The following NOP9 variants were observed in gnomAD, a reference collection of about 807,000 sequenced individuals.
NOP9 encodes the protein NOP9 nucleolar protein, also known as nucleolar protein 9.
In NOP9, 50 loss-of-function variants were observed where a neutral mutation model predicts 63.0. The ratio of observed to expected loss-of-function variants is 0.79; its 90% CI spans 0.63 to 1.00. NOP9 has a LOEUF of 1.00. NOP9 is among the 50% of genes least tolerant of loss of function. The pLI is 0.00. For synonymous variants in NOP9, 343 were observed against 332.8 expected, an observed-to-expected ratio of 1.03 and a Z score of -0.33; for missense variants, 758 against 803.0, an observed-to-expected ratio of 0.94 and a Z score of 0.68.
rs2041426882 is a variant in NOP9, at chr14:24,304,022, C to T, written c.1411-19C>T. The T allele has an allele frequency of 6.2e-7, 1 of 1,610,360 alleles. No homozygotes were observed. Among genetic ancestry groups the T allele is most frequent in the Non-Finnish European group, 8.5e-7 (1 of 1,176,740 alleles). ...CTGGCTTGTTGGTGCCTCCTAATTT[C>T]TTATCTCTGCGCTGCCAGGTGGCAA... On this transcript the variant is annotated intron_variant, in intron 7 of 9. Coordinates refer to ENST00000267425, the MANE Select transcript of NOP9 (RefSeq NM_174913.3).
chr14:24,300,643 A>AGGG lies in NOP9; in HGVS notation c.484_485insGGG (p.Ala161_Glu162insGly). The AGGG allele has an allele frequency of 6.3e-7, 1 of 1,577,178 alleles. No homozygotes were observed. The highest frequency in any genetic ancestry group is 8.7e-7 in the Non-Finnish European group (1 of 1,150,988). On this transcript the variant is annotated inframe_insertion, in exon 2 of 10. Transcript: ENST00000267425. The stretch of plus-strand genomic sequence containing the variant: ...TCCCTCGATTGCTGGGGAGTGCTGC[A>AGGG]GAGGAGGAGGAGGAGGAGGAGGAGG...
At chr14:24,301,823 A>G (rs770811483) in intron 3 of NOP9, 101 bp downstream of exon 3, 23 of 1,495,276 alleles carry the variant, frequency 1.5e-5, no homozygotes, top group Non-Finnish European at 2.0e-5. Flanking sequence ...TTCTTTTCAA[A>G]CCTGGTCTGG....
chr14:24,304,638 C>T (rs1354493373), intron 9 of NOP9, 40 bp downstream of exon 9: 8 of 1,427,504 alleles, frequency 5.6e-6, no homozygotes, highest in Non-Finnish European at 6.7e-6. Flanking sequence ...CCAGACTCTC[C>T]CCTCTCTTAC....
chr14:24,292,001 T>C, the NOP9 span: 2 of 768,908 alleles, frequency 2.6e-6, no homozygotes, highest in African/African-American at 1.7e-5. Flanking sequence ...GGTTTCAGTT[T>C]TGCCATCTGT....
chr14:24,280,630 A>G, the NOP9 span, among the ~76,000 whole-genome samples: 1 of 152,250 alleles, frequency 6.6e-6, no homozygotes, highest in African/African-American at 2.4e-5. Flanking sequence ...ACAGCTCAAT[A>G]TACAGTGGTG....
At chr14:24,290,974 A>G in the NOP9 span, 3 of 1,614,132 alleles carry the variant, frequency 1.9e-6, no homozygotes, top group South Asian at 1.1e-5. Flanking sequence ...GCTCAAAGAC[A>G]AATAGTCTTG....
chr14:24,293,649 G>A, the NOP9 span: 1 of 151,998 alleles, frequency 6.6e-6, no homozygotes, highest in Non-Finnish European at 1.5e-5. Flanking sequence ...CTAATGTCTT[G>A]TGGGTGAGGG....
chr14:24,275,572 A>T, the NOP9 span, among the ~76,000 whole-genome samples: 1 of 152,142 alleles, frequency 6.6e-6, no homozygotes, highest in Admixed American at 6.5e-5. Context: ...CATACACAGA[A>T]GCACACACAC....
chr14:24,290,990 G>A, the NOP9 span: 1 of 1,614,118 alleles, frequency 6.2e-7, no homozygotes, highest in African/African-American at 1.3e-5. Context: ...TCTTGGACGG[G>A]GCGGCCTGGG....
Position 24,307,534 on chromosome 14 carries a change from A to C in NOP9, c.*2439A>C. The C allele has an allele frequency of 6.2e-7, 1 of 1,610,820 alleles. No homozygotes were observed. Among genetic ancestry groups the C allele is most frequent in the Non-Finnish European group, 8.5e-7 (1 of 1,177,842 alleles). ...TACTGACCTGGTAGTTGAGAAGAAA[A>C]GTCAAGAAGGGGCGAGGAGGGGCTT... On this transcript the variant is annotated 3_prime_UTR_variant, in exon 10 of 10. Coordinates refer to ENST00000267425, the MANE Select transcript of NOP9 (RefSeq NM_174913.3).
At chr14:24,280,385 C>T in the NOP9 span, among the ~76,000 whole-genome samples, 5 of 152,098 alleles carry the variant, frequency 3.3e-5, no homozygotes, top group Admixed American at 6.6e-5. Context: ...GCTTGGGGCT[C>T]GGTCAAGTGC....
In NOP9 at chr14:24,308,570, C is replaced by T. The variant is rs556933036; in HGVS notation, c.*3475C>T. 6.5e-6 allele frequency: 1 copy of T among 153,568 alleles called. No homozygotes were observed. Among genetic ancestry groups the T allele is most frequent in the Non-Finnish European group, 1.5e-5 (1 of 68,852 alleles). The allele number at this position is 153,568 out of a possible 1,614,324, so 9.5% of individuals were successfully genotyped here. A position where few individuals can be genotyped will look rare whatever the true frequency, so the allele number is the denominator to read the frequency against. ...CTGCCTGCTGCAGTCACACTTAGGTCATCTTCTCTCACTTTTCTCCTTTTG... is the reference window on the plus strand; with the variant it reads ...CTGCCTGCTGCAGTCACACTTAGGTTATCTTCTCTCACTTTTCTCCTTTTG... On this transcript the variant is annotated 3_prime_UTR_variant, in exon 10 of 10. Coordinates refer to ENST00000267425, the MANE Select transcript of NOP9 (RefSeq NM_174913.3).
the NOP9 span, chr14:24,291,662 C>A: frequency 5.7e-6 from 9 of 1,590,678 alleles, no homozygotes; most frequent in Non-Finnish European, 7.8e-6. Context: ...GGGTTAATTT[C>A]CAAGAGCACT....
At chr14:24,296,441 G>GGA, upstream of NOP9, 3 of 1,491,484 alleles carry the variant, frequency 2.0e-6, no homozygotes, top group South Asian at 3.4e-5. Flanking sequence ...GGGCATGTAA[G>GGA]GAAAGGCCTG....
the NOP9 span, among the ~76,000 whole-genome samples, chr14:24,283,986 G>C: frequency 6.6e-6 from 1 of 152,226 alleles, no homozygotes; most frequent in Non-Finnish European, 1.5e-5. Flanking sequence ...AGGACCCCTA[G>C]GCCAGGGCAC....
At chr14:24,303,469 C>T (rs1201324818) in intron 6 of NOP9, among the ~76,000 whole-genome samples, 7 of 151,854 alleles carry the variant, frequency 4.6e-5, no homozygotes, top group African/African-American at 1.5e-4. Flanking sequence ...TCACCGTGCC[C>T]GGCTGAGGCC....
the NOP9 span, among the ~76,000 whole-genome samples, chr14:24,284,378 G>A: frequency 3.7e-4 from 56 of 152,314 alleles, no homozygotes; most frequent in African/African-American, 1.3e-3. Flanking sequence ...GCACACAGGA[G>A]GCTGCACAAA....
chr14:24,288,997 A>G, the NOP9 span, among the ~76,000 whole-genome samples: 1 of 138,670 alleles, frequency 7.2e-6, no homozygotes, highest in African/African-American at 2.7e-5. Flanking sequence ...TTTTTTTTAG[A>G]TGGAGTCTTG....
chr14:24,299,066 C>G, upstream of NOP9: 2 of 1,613,986 alleles, frequency 1.2e-6, no homozygotes, highest in Non-Finnish European at 1.7e-6. Flanking sequence ...CCTGGAGGCA[C>G]CAGTCACCAC....
Sources: gnomAD v4.1 joint callset for allele counts (sites outside exome capture counted in the v4.1 genomes callset) on GRCh38, gnomAD v4.1.1 for gene constraint, MANE v1.5 for transcripts, NCBI Gene and HGNC (gene_info 2026-07-23, HGNC 2026-07-21) for gene names.